SDK2: variants seen among roughly 807,000 people sequenced by gnomAD.
SDK2 encodes sidekick cell adhesion molecule 2.
Under a neutral mutation model 253.9 loss-of-function variants are expected in SDK2, and 105 were observed. The ratio of observed to expected loss-of-function variants is 0.41; its 90% CI spans 0.35 to 0.49. The LOEUF (loss-of-function observed/expected upper bound fraction) is 0.49, where lower values mean the gene tolerates loss of function less well. Among genes scored for constraint, SDK2 ranks in the 20% least tolerant of loss-of-function variants. The probability of loss-of-function intolerance (pLI) is 0.06; values close to 1 mark genes in which losing one functional copy is unlikely to be tolerated. For missense variants in SDK2, 2,608 were observed against 3,003.0 expected, an observed-to-expected ratio of 0.87 and a Z score of 3.07; for synonymous variants, 1,249 against 1,234.9, an observed-to-expected ratio of 1.01 and a Z score of -0.24.
rs2062527209 is a variant in SDK2 at position 73,350,462 on chromosome 17, T to C, written c.5900-87A>G. The C allele has an allele frequency of 4.0e-6, 6 of 1,513,594 alleles. No individual in the cohort carries two copies. In the Admixed American group the frequency reaches 1.1e-4, roughly 27 times the overall value. 93.8% of individuals were successfully genotyped at this position (1,513,594 alleles called of 1,614,324 possible). The stretch of plus-strand genomic sequence containing the variant: ...CTCCACCTGGCTGGGTTATCCCCTC[T>C]TTCTCTTGGTAGAGTTGAGACCAAA... On this transcript the variant is annotated intron_variant, in intron 42 of 44. Coordinates refer to ENST00000392650, the MANE Select transcript of SDK2 (RefSeq NM_001144952.2).
At chr17:73,432,577 C>A (rs962898402) in intron 10 of SDK2, among the ~76,000 whole-genome samples, 1 of 151,958 alleles carries the variant, frequency 6.6e-6, no homozygotes, top group South Asian at 2.1e-4. Flanking sequence ...TGGACAAAAC[C>A]GACACCCCTG....
chr17:73,350,568 G>T, intron 42 of SDK2, 82 bp downstream of exon 42: 3 of 1,483,752 alleles, frequency 2.0e-6, no homozygotes, highest in Non-Finnish European at 9.1e-7. Context: ...CCAGGAGAGG[G>T]ACCTGATCAC....
intron 18 of SDK2, among the ~76,000 whole-genome samples, chr17:73,405,805 C>T (rs1193400677): frequency 1.2e-4 from 18 of 150,480 alleles, no homozygotes; most frequent in African/African-American, 3.9e-4. Context: ...CTGCAAGCTC[C>T]GCCTCTCGGG....
chr17:73,426,076 ACT>A (rs1275260444), intron 12 of SDK2, among the ~76,000 whole-genome samples: 13 of 148,974 alleles, frequency 8.7e-5, no homozygotes, highest in Non-Finnish European at 4.5e-5. Context: ...ACAGAATCTC[ACT>A]CTGTTGCCCA....
intron 18 of SDK2, among the ~76,000 whole-genome samples, chr17:73,411,405 G>A (rs574665914): frequency 6.6e-5 from 10 of 152,204 alleles, no homozygotes; most frequent in East Asian, 3.9e-4. Flanking sequence ...AGGAACCTTC[G>A]GGATGTGTCA....
chr17:73,556,660 C>T (rs1416131982), intron 1 of SDK2, among the ~76,000 whole-genome samples: 1 of 152,224 alleles, frequency 6.6e-6, no homozygotes, highest in African/African-American at 2.4e-5. Flanking sequence ...ATTTGTTCCC[C>T]TTTGGGAACC....
In SDK2 at chr17:73,352,394, C is replaced by T; in HGVS notation, c.5758+79G>A. ...ATGCTCCTGGTGCCCTGGTGCCTCTCCTCCTTCCGCCCTGCCCAGTGTCAG... is the reference window on the plus strand; with the variant it reads ...ATGCTCCTGGTGCCCTGGTGCCTCTTCTCCTTCCGCCCTGCCCAGTGTCAG... On this transcript the variant is annotated intron_variant, in intron 41 of 44. Coordinates refer to ENST00000392650, the MANE Select transcript of SDK2 (RefSeq NM_001144952.2). This position sits in a 1 kb window ranked among gnomAD's most constrained non-coding sequence, Gnocchi z 4.1. The T allele has an allele frequency of 1.6e-6, 2 of 1,216,344 alleles. No individual in the cohort carries two copies. Among genetic ancestry groups the T allele is most frequent in the Non-Finnish European group, 2.2e-6 (2 of 900,928 alleles). 75.3% of individuals were successfully genotyped at this position (1,216,344 alleles called of 1,614,324 possible).
chr17:73,539,678 C>T (rs947016449), intron 1 of SDK2, among the ~76,000 whole-genome samples: 2 of 152,230 alleles, frequency 1.3e-5, no homozygotes, highest in African/African-American at 4.8e-5. Flanking sequence ...GCCCTCAGTC[C>T]TGGGACCTGT....
At chr17:73,576,414 C>T (rs901281438) in intron 1 of SDK2, among the ~76,000 whole-genome samples, 1 of 152,086 alleles carries the variant, frequency 6.6e-6, no homozygotes, top group African/African-American at 2.4e-5. Context: ...GGAGGGGTGT[C>T]ACAAGGATAT....
chr17:73,638,449 T>C lies in SDK2; in HGVS notation c.64+5576A>G, dbSNP rs550392194. Among the ~76,000 whole-genome samples the C allele has an allele frequency of 9.2e-5, 14 of 151,728 alleles. No individual in the cohort carries two copies. In the East Asian group the frequency reaches 2.7e-3, roughly 29 times the overall value. On this transcript the variant is annotated intron_variant, in intron 1 of 44. Transcript: ENST00000392650. ...TGCCACGTTATAGGGTGCTCCGAGA[T>C]GGATAAGACATATTAGGAGGAAGTC...
intron 17 of SDK2, among the ~76,000 whole-genome samples, chr17:73,415,032 G>C (rs1047323200): frequency 2.0e-5 from 3 of 152,240 alleles, no homozygotes; most frequent in Admixed American, 6.5e-5. Flanking sequence ...TTTTCAGGTG[G>C]AATGCTAAAA....
In SDK2 at chr17:73,419,248, G is replaced by A. The variant is rs376485292; in HGVS notation, c.2104C>T (p.Arg702Ter). 1.2e-6 allele frequency: 2 copies of A among 1,612,856 alleles called. No individual in the cohort carries two copies. The highest frequency in any genetic ancestry group is 1.7e-6 in the Non-Finnish European group (2 of 1,179,606). ...APPQNVIASG[R>*]TNQSIMIQWQ... ...TGGATCATGATGGACTGGTTGGTTC[G>A]ACCGCTGGCGATGACGTTCTGTGGA... is the stretch of plus-strand genomic sequence containing the variant. Residue 702 changes from arginine (R) to a stop codon, truncating the protein, a stop_gained, in exon 16 of 45, where the codon CGA (arginine) becomes TGA (stop). Transcript: ENST00000392650. LOFTEE classifies it high-confidence loss of function.
chr17:73,409,230 C>T (rs570125981), intron 18 of SDK2, among the ~76,000 whole-genome samples: 4 of 152,272 alleles, frequency 2.6e-5, no homozygotes, highest in South Asian at 2.1e-4. Flanking sequence ...CCTATAATGC[C>T]AGCACTTTGG....
chr17:73,401,201 G>A lies in SDK2; in HGVS notation c.2790C>T (p.Ile930=), dbSNP rs1321785203. The change falls in exon 21 of 45, where the codon ATC becomes ATT. Residue 930 remains isoleucine, a synonymous_variant. Coordinates refer to ENST00000392650, the MANE Select transcript of SDK2 (RefSeq NM_001144952.2). ...TGGTTCGATTGTACTCCTCCCAGGA[G>A]ATCCGGTACCCTGGGGAGAGCCGCC... The part of the protein sequence containing the change: ...EKNGILTGYR[I]SWEEYNRTNT... 1 of 1,549,918 alleles carries A rather than the reference G, an allele frequency of 6.5e-7. No homozygotes were observed. Among genetic ancestry groups the A allele is most frequent in the Admixed American group, 2.0e-5 (1 of 51,000 alleles).
chr17:73,572,539 C>T (rs1409886101), intron 1 of SDK2, among the ~76,000 whole-genome samples: 1 of 151,806 alleles, frequency 6.6e-6, no homozygotes, highest in Non-Finnish European at 1.5e-5. Flanking sequence ...CATACCCCTA[C>T]ATTTTCCAGT....
chr17:73,516,048 G>A (rs2064024043), intron 1 of SDK2, among the ~76,000 whole-genome samples: 1 of 152,136 alleles, frequency 6.6e-6, no homozygotes, highest in Non-Finnish European at 1.5e-5. Context: ...CCTGTTTCCC[G>A]CTTCTCAGAA....
At chr17:73,442,717 G>T (rs981330249) in intron 5 of SDK2, among the ~76,000 whole-genome samples, 1 of 151,938 alleles carries the variant, frequency 6.6e-6, no homozygotes, top group Non-Finnish European at 1.5e-5. Flanking sequence ...GCTCAAATAC[G>T]TGTGTTAAGT....
chr17:73,571,350 C>G (rs1415962134), intron 1 of SDK2, among the ~76,000 whole-genome samples: 1 of 152,132 alleles, frequency 6.6e-6, no homozygotes, highest in East Asian at 1.9e-4. Context: ...CACTGAGGCA[C>G]CAGGGCGAAG....
intron 32 of SDK2, 81 bp downstream of exon 32, chr17:73,385,766 T>C: frequency 2.3e-6 from 3 of 1,317,286 alleles, no homozygotes; most frequent in Non-Finnish European, 3.2e-6. Context: ...CACGCAGCCC[T>C]GGTGGGGACT....
Sources: gnomAD v4.1 joint callset for allele counts (sites outside exome capture counted in the v4.1 genomes callset) on GRCh38, gnomAD v4.1.1 for gene constraint, Gnocchi (gnomAD v3.1) non-coding constraint, MANE v1.5 for transcripts, NCBI Gene and HGNC (gene_info 2026-07-23, HGNC 2026-07-21) for gene names.